The following DPP10 variants were observed in gnomAD, a reference collection of about 807,000 sequenced individuals.
DPP10 encodes inactive dipeptidyl peptidase 10.
Under a neutral mutation model 120.9 loss-of-function variants are expected in DPP10, and 33 were observed. That is an observed-to-expected ratio of 0.27 (90% CI 0.21 to 0.37). DPP10 has a LOEUF of 0.37. Among genes scored for constraint, DPP10 ranks in the 10% least tolerant of loss-of-function variants. The pLI is 1.00. For missense variants in DPP10, 816 were observed against 942.8 expected, an observed-to-expected ratio of 0.87 and a Z score of 1.76; for synonymous variants, 337 against 326.1, an observed-to-expected ratio of 1.03 and a Z score of -0.36.
chr2:115,475,063 C>T (rs1425450497), intron 3 of DPP10, among the ~76,000 whole-genome samples: 1 of 152,142 alleles, frequency 6.6e-6, no homozygotes, highest in Non-Finnish European at 1.5e-5. Context: ...TTCAAACAGG[C>T]TGCAGAAATC....
chr2:115,471,513 G>A (rs1240439326), intron 3 of DPP10, among the ~76,000 whole-genome samples: 3 of 152,050 alleles, frequency 2.0e-5, no homozygotes, highest in Admixed American at 6.6e-5. Flanking sequence ...TGAGAGGTTC[G>A]CAGTCTTACA....
In DPP10 at chr2:114,568,377, C is replaced by G. The variant is rs578145827; in HGVS notation, c.60+125539C>G. Among the ~76,000 whole-genome samples, 5 of 152,246 alleles carry G rather than the reference C, an allele frequency of 3.3e-5. No homozygotes were observed. The East Asian group carries it at 9.6e-4, about 29-fold the overall frequency. ...TGAGTATAGTCACTCGTGAATGGAACTGGAGGTCATTATGTTAAGTAAAAT... is the reference window on the plus strand; with the variant it reads ...TGAGTATAGTCACTCGTGAATGGAAGTGGAGGTCATTATGTTAAGTAAAAT... On this transcript the variant is annotated intron_variant, in intron 1 of 25. Transcript: ENST00000410059.
intron 1 of DPP10, among the ~76,000 whole-genome samples, chr2:114,997,512 G>GA (rs11458570): frequency 0.97 from 144,031 of 148,790 alleles, 69,787 homozygotes; most frequent in Non-Finnish European, 1. Flanking sequence ...AAAAAAAAAA[G>GA]AAAAAAATTC....
chr2:114,564,617 C>T (rs1012041390), intron 1 of DPP10, among the ~76,000 whole-genome samples: 5 of 151,854 alleles, frequency 3.3e-5, no homozygotes, highest in Non-Finnish European at 7.4e-5. Flanking sequence ...GGGTTTTCCA[C>T]TGGTACCAAG....
chr2:114,874,383 C>A (rs965737870), intron 1 of DPP10, among the ~76,000 whole-genome samples: 1 of 152,076 alleles, frequency 6.6e-6, no homozygotes, highest in Non-Finnish European at 1.5e-5. Context: ...ACAAAAGCAT[C>A]CAAAAGCCTG....
At chr2:114,779,949 A>T (rs1288681482) in intron 1 of DPP10, among the ~76,000 whole-genome samples, 1 of 152,090 alleles carries the variant, frequency 6.6e-6, no homozygotes, top group Non-Finnish European at 1.5e-5. Flanking sequence ...ATCCTGGCTA[A>T]CATGGTGAAA....
intron 1 of DPP10, among the ~76,000 whole-genome samples, chr2:114,965,495 A>G (rs1698944182): frequency 6.6e-6 from 1 of 152,098 alleles, no homozygotes; most frequent in African/African-American, 2.4e-5. Flanking sequence ...GATATCAAGG[A>G]GACTTTTGAT....
chr2:115,412,095 A>C (rs2068995515), intron 3 of DPP10, among the ~76,000 whole-genome samples: 2 of 152,126 alleles, frequency 1.3e-5, no homozygotes, highest in Admixed American at 1.3e-4. Flanking sequence ...TTAAGGGGAA[A>C]TGAGATTTTC....
chr2:114,746,542 T>C (rs1678593422), intron 1 of DPP10, among the ~76,000 whole-genome samples: 1 of 152,218 alleles, frequency 6.6e-6, no homozygotes. Context: ...CGGAATTCAG[T>C]CTTGCATGAT....
intron 2 of DPP10, among the ~76,000 whole-genome samples, chr2:115,321,326 T>C (rs2062046051): frequency 6.6e-6 from 1 of 152,010 alleles, no homozygotes; most frequent in African/African-American, 2.4e-5. Flanking sequence ...AAGGAAGCTC[T>C]TTTCTTTAAA....
intron 1 of DPP10, among the ~76,000 whole-genome samples, chr2:114,536,445 A>C (rs1439359248): frequency 8.0e-6 from 1 of 124,844 alleles, no homozygotes; most frequent in Non-Finnish European, 1.6e-5. Flanking sequence ...TCGCTCTGTC[A>C]CCCCGGCTGG....
chr2:115,184,722 A>G (rs2054313455), intron 1 of DPP10, among the ~76,000 whole-genome samples: 1 of 152,230 alleles, frequency 6.6e-6, no homozygotes, highest in Admixed American at 6.5e-5. Context: ...CGTACAGGAG[A>G]TAGATATCCT....
chr2:115,800,582 GTCTTTAATCCA>G, intron 19 of DPP10, among the ~76,000 whole-genome samples: 1 of 152,194 alleles, frequency 6.6e-6, no homozygotes. Context: ...TAACGTTTAA[GTCTTTAATCCA>G]TCTTGAATTA....
At chr2:115,239,755 C>T (rs1287798935) in intron 1 of DPP10, among the ~76,000 whole-genome samples, 3 of 152,014 alleles carry the variant, frequency 2.0e-5, no homozygotes, top group Non-Finnish European at 4.4e-5. Context: ...CTCTCCTAGC[C>T]CCCCACCCTC....
intron 8 of DPP10, among the ~76,000 whole-genome samples, chr2:115,736,357 G>C (rs1431143305): frequency 6.6e-6 from 1 of 152,156 alleles, no homozygotes; most frequent in Non-Finnish European, 1.5e-5. Context: ...AACTGAGGTA[G>C]AGCAGACTAT....
intron 2 of DPP10, among the ~76,000 whole-genome samples, chr2:115,323,468 T>C (rs1250815372): frequency 6.6e-6 from 1 of 152,202 alleles, no homozygotes; most frequent in African/African-American, 2.4e-5. Flanking sequence ...TCCAAACTCC[T>C]GTTAATGTTG....
chr2:115,586,664 A>C (rs1038050565), intron 5 of DPP10, among the ~76,000 whole-genome samples: 7 of 151,998 alleles, frequency 4.6e-5, no homozygotes, highest in African/African-American at 1.7e-4. Context: ...TCTCAGTGTG[A>C]TGCTTTTTGT....
At chr2:114,615,264 C>G (rs905959163) in intron 1 of DPP10, among the ~76,000 whole-genome samples, 3 of 152,110 alleles carry the variant, frequency 2.0e-5, no homozygotes, top group Non-Finnish European at 4.4e-5. Flanking sequence ...CACAAACTTT[C>G]TAAATTACTG....
intron 1 of DPP10, among the ~76,000 whole-genome samples, chr2:115,262,168 C>G (rs2059279848): frequency 6.6e-6 from 1 of 151,754 alleles, no homozygotes; most frequent in South Asian, 2.1e-4. Context: ...AGGAAGAGGG[C>G]ACATATTAAT....
Sources: allele counts gnomAD v4.1 joint callset (sites outside exome capture counted in the v4.1 genomes callset), GRCh38; gene constraint gnomAD v4.1.1; transcripts MANE v1.5; gene names NCBI Gene and HGNC (gene_info 2026-07-23, HGNC 2026-07-21).